The following FLRT1 variants were observed in gnomAD, a reference collection of about 807,000 sequenced individuals.
FLRT1 encodes fibronectin leucine rich transmembrane protein 1.
FLRT1 carries 14 observed loss-of-function variants against 30.9 expected under a neutral mutation model. The observed-to-expected ratio is 0.45, with a 90% confidence interval of 0.30 to 0.71. The LOEUF (loss-of-function observed/expected upper bound fraction) is 0.71, where lower values mean the gene tolerates loss of function less well. FLRT1 is among the 30% of genes least tolerant of loss of function. The pLI is 0.08. For synonymous variants in FLRT1, 368 were observed against 430.4 expected (o/e 0.85, Z 1.80); for missense variants, 737 against 949.2 (o/e 0.78, Z 2.94).
intron 1 of FLRT1, among the ~76,000 whole-genome samples, chr11:64,063,172 G>T (rs557557974): frequency 2.0e-4 from 31 of 152,304 alleles, no homozygotes; most frequent in African/African-American, 7.2e-4. Flanking sequence ...AGCTGGGTGT[G>T]TTAAGGCTCT....
intron 1 of FLRT1, among the ~76,000 whole-genome samples, chr11:64,041,811 G>T (rs534172129): frequency 3.3e-5 from 5 of 152,312 alleles, no homozygotes; most frequent in African/African-American, 1.2e-4. Flanking sequence ...TGGCTGTTAG[G>T]GGGTGGGTGT....
intron 1 of FLRT1, among the ~76,000 whole-genome samples, chr11:64,079,816 A>G (rs1453786607): frequency 6.6e-6 from 1 of 152,124 alleles, no homozygotes; most frequent in Non-Finnish European, 1.5e-5. Context: ...TCTGGGGACC[A>G]CTTGGACCCC....
intron 1 of FLRT1, among the ~76,000 whole-genome samples, chr11:64,058,253 G>A (rs764237870): frequency 2.3e-4 from 35 of 152,372 alleles, no homozygotes; most frequent in Non-Finnish European, 4.0e-4. Flanking sequence ...CTCCTGCCCC[G>A]AGGGTGCTCT....
intron 1 of FLRT1, among the ~76,000 whole-genome samples, chr11:64,040,804 G>A (rs1387029755): frequency 1.3e-5 from 2 of 152,102 alleles, no homozygotes; most frequent in East Asian, 3.9e-4. Context: ...GGGAGTGAAG[G>A]GGCTGTGTCC....
chr11:64,107,918 G>C (rs1179071974), intron 2 of FLRT1, among the ~76,000 whole-genome samples: 3 of 152,222 alleles, frequency 2.0e-5, no homozygotes, highest in African/African-American at 7.2e-5. Flanking sequence ...GCTCAGGGAA[G>C]AATGGCTCAT....
At position 64,054,875 on chromosome 11, in the gene FLRT1, G is replaced by A. The variant is rs558623136; in HGVS notation, c.-1038+18716G>A. Among the ~76,000 whole-genome samples, 50 of 151,878 alleles carry A rather than the reference G, an allele frequency of 3.3e-4. No individual in the cohort carries two copies. In the East Asian group the frequency reaches 6.0e-3, roughly 18 times the overall value. On this transcript the variant is annotated intron_variant, in intron 1 of 2. Transcript: ENST00000682287. ...TTTTAAGGGAATTCTAGCATCTCCC[G>A]TGACAAATACCCCCACTACTCTTTC...
intron 1 of FLRT1, among the ~76,000 whole-genome samples, chr11:64,084,957 G>A (rs1347857291): frequency 2.0e-5 from 3 of 152,240 alleles, no homozygotes; most frequent in Non-Finnish European, 4.4e-5. Context: ...AAGGGTTTCC[G>A]TCTATGGGGA....
At position 64,118,193 on chromosome 11, in the gene FLRT1, C is replaced by T. The variant is rs372484626; in HGVS notation, c.1926C>T (p.Asn642=). The T allele has an allele frequency of 1.4e-4, 230 of 1,613,092 alleles. No homozygotes were observed. Among genetic ancestry groups the T allele is most frequent in the Non-Finnish European group, 1.7e-4 (201 of 1,179,910 alleles). Residue 642 remains asparagine (N), a synonymous_variant, in exon 3 of 3, where the codon AAC becomes AAT. Transcript: ENST00000682287. ...EYVVHTIFPS[N]GSSLCKATHT... is the part of the protein sequence containing the mutation. Reference sequence around the variant, plus strand: ...TGGTCCACACTATCTTCCCCTCCAACGGCAGCAGCCTCTGCAAGGCCACAC... The same window carrying T: ...TGGTCCACACTATCTTCCCCTCCAATGGCAGCAGCCTCTGCAAGGCCACAC...
rs536294761 is a variant in FLRT1, at chr11:64,096,360, G to A, written c.-1037-6834G>A. On this transcript the variant is annotated intron_variant, in intron 1 of 2. Coordinates refer to ENST00000682287, the MANE Select transcript of FLRT1 (RefSeq NM_013280.5). The surrounding 1 kb of genome is among the most constrained non-coding windows in gnomAD (Gnocchi z 4.6). ...ACGGTCCCTAATGGGCACGGGCGACGCATTACAGTGAGGTCTGCCAGGTAG... is the reference window on the plus strand; with the variant it reads ...ACGGTCCCTAATGGGCACGGGCGACACATTACAGTGAGGTCTGCCAGGTAG... Among the ~76,000 whole-genome samples the A allele has an allele frequency of 7.9e-5, 12 of 152,224 alleles. No homozygotes were observed. The highest frequency in any genetic ancestry group is 3.9e-4 in the East Asian group (2 of 5,174).
rs1590881926 is a variant in FLRT1, at chr11:64,082,451, G to T, written c.-1037-20743G>T. ...GGGCAGGCAGGTGAGGGGCTTGAGG[G>T]CAGGGCTGAGGGACTGAGGGCCAGG... On this transcript the variant is annotated intron_variant, in intron 1 of 2. Transcript: ENST00000682287. This position sits in a 1 kb window ranked among gnomAD's most constrained non-coding sequence, Gnocchi z 4.5. Among the ~76,000 whole-genome samples, 1 of 152,220 alleles carries T rather than the reference G, an allele frequency of 6.6e-6. No individual in the cohort carries two copies. Among genetic ancestry groups the T allele is most frequent in the East Asian group, 1.9e-4 (1 of 5,154 alleles).
chr11:64,072,618 G>A (rs2134466572), intron 1 of FLRT1, among the ~76,000 whole-genome samples: 1 of 152,348 alleles, frequency 6.6e-6, no homozygotes, highest in East Asian at 1.9e-4. Flanking sequence ...ACAAACATCA[G>A]ATGGGGATAA....
chr11:64,068,503 C>A (rs1479247866), intron 1 of FLRT1, among the ~76,000 whole-genome samples: 1 of 152,208 alleles, frequency 6.6e-6, no homozygotes, highest in Non-Finnish European at 1.5e-5. Flanking sequence ...AACATGAGGT[C>A]CTAGGATAAC....
At chr11:64,086,503 C>T (rs1944397703) in intron 1 of FLRT1, among the ~76,000 whole-genome samples, 1 of 151,436 alleles carries the variant, frequency 6.6e-6, no homozygotes, top group Admixed American at 6.6e-5. Context: ...TCCCTGAGGT[C>T]CCCTAGCTGA....
chr11:64,059,285 G>A (rs1026601862), intron 1 of FLRT1, among the ~76,000 whole-genome samples: 2 of 152,182 alleles, frequency 1.3e-5, no homozygotes, highest in African/African-American at 4.8e-5. Context: ...CCTGTGAAGA[G>A]GGTCTTGCGG....
At position 64,117,729 on chromosome 11, in the gene FLRT1, G is replaced by A. The variant is rs1347118580; in HGVS notation, c.1462G>A (p.Asp488Asn). 4.3e-6 allele frequency: 7 copies of A among 1,613,724 alleles called. No homozygotes were observed. The highest frequency in any genetic ancestry group is 2.7e-5 in the African/African-American group (2 of 74,954). The change falls in exon 3 of 3, where the codon GAC (aspartate) becomes AAC (asparagine). Residue 488 changes from aspartate to asparagine, a missense_variant. Physicochemically the swap from Asp to Asn is conservative, Grantham distance 23. Transcript: ENST00000682287. ...GSITETLVQG[D>N]KTEYLLTALE... ...CATCACGGAGACCTTGGTGCAGGGGGACAAGACAGAGTACCTGCTGACAGC... is the reference window on the plus strand; with the variant it reads ...CATCACGGAGACCTTGGTGCAGGGGAACAAGACAGAGTACCTGCTGACAGC...
At position 64,118,428 on chromosome 11, in the gene FLRT1, T is replaced by C; in HGVS notation, c.*136T>C. 1.8e-6 allele frequency: 2 copies of C among 1,128,644 alleles called. No homozygotes were observed. Among genetic ancestry groups the C allele is most frequent in the Non-Finnish European group, 2.4e-6 (2 of 838,504 alleles). 69.9% of individuals were successfully genotyped at this position (1,128,644 alleles called of 1,614,324 possible). On this transcript the variant is annotated 3_prime_UTR_variant, in exon 3 of 3. Coordinates refer to ENST00000682287, the MANE Select transcript of FLRT1 (RefSeq NM_013280.5). ...TGACTTTCCTCCGCAGAAAGCAAAG[T>C]TTGGGGAGGGCTGACGATTTTGTAG...
intron 1 of FLRT1, among the ~76,000 whole-genome samples, chr11:64,093,855 C>T (rs1415723956): frequency 1.3e-5 from 2 of 152,190 alleles, no homozygotes; most frequent in African/African-American, 4.8e-5. Context: ...ACCATTGATT[C>T]CTCCATTAAT....
In FLRT1 at chr11:64,117,478, C is replaced by A. The variant is rs369112014; in HGVS notation, c.1211C>A (p.Thr404Lys). The A allele has an allele frequency of 3.7e-6, 6 of 1,612,710 alleles. No individual in the cohort carries two copies. The highest frequency in any genetic ancestry group is 5.1e-6 in the Non-Finnish European group (6 of 1,179,016). ...TTASNHASATTPQGSLFTLKA... is the reference protein window; with the variant it reads ...TTASNHASATKPQGSLFTLKA... ...GCCAGCAACCACGCCTCTGCCACCA[C>A]GCCCCAGGGTTCCCTGTTTACCCTC... Residue 404 changes from threonine to lysine, a missense_variant, in exon 3 of 3, where the codon ACG becomes AAG. By Grantham distance (78) the Thr-to-Lys change is moderately conservative. Transcript: ENST00000682287.
At chr11:64,091,317 A>G (rs1480852944) in intron 1 of FLRT1, among the ~76,000 whole-genome samples, 1 of 152,062 alleles carries the variant, frequency 6.6e-6, no homozygotes. Context: ...AGCTGATTTC[A>G]TCACGTTTCA....
Sources: allele counts gnomAD v4.1 joint callset (sites outside exome capture counted in the v4.1 genomes callset), GRCh38; gene constraint gnomAD v4.1.1; non-coding constraint Gnocchi (gnomAD v3.1); transcripts MANE v1.5; gene names NCBI Gene and HGNC (gene_info 2026-07-23, HGNC 2026-07-21).